The following ATP8B4 variants were observed in gnomAD, a reference collection of about 807,000 sequenced individuals.
The protein encoded by ATP8B4 is probable phospholipid-transporting ATPase IM.
In ATP8B4, 133 loss-of-function variants were observed where a neutral mutation model predicts 145.6. That is an observed-to-expected ratio of 0.91 (90% confidence interval 0.79 to 1.05). The LOEUF (loss-of-function observed/expected upper bound fraction) is 1.05. ATP8B4 is among the 50% of genes least tolerant of loss of function. ATP8B4 has a pLI of 0.00. For missense variants in ATP8B4, 1,458 were observed against 1,425.2 expected (o/e 1.02, Z -0.37); for synonymous variants, 507 against 492.9 (o/e 1.03, Z -0.38).
At chr15:50,029,190 G>A (rs1312751971) in intron 6 of ATP8B4, among the ~76,000 whole-genome samples, 2 of 130,980 alleles carry the variant, frequency 1.5e-5, no homozygotes, top group South Asian at 5.1e-4. Flanking sequence ...CTGAGATCAC[G>A]CCACACGCCA....
chr15:50,130,031 G>C (rs1440452950), intron 1 of ATP8B4, among the ~76,000 whole-genome samples: 1 of 151,692 alleles, frequency 6.6e-6, no homozygotes, highest in Non-Finnish European at 1.5e-5. Flanking sequence ...GCTATAAAGA[G>C]ATCTAGAGGT....
chr15:50,007,094 A>AAGGGAG (rs1555453814), intron 7 of ATP8B4, among the ~76,000 whole-genome samples: 3 of 151,908 alleles, frequency 2.0e-5, no homozygotes, highest in Non-Finnish European at 4.4e-5. Context: ...AATGCAGAAC[A>AAGGGAG]TAAAAAAAAT....
intron 1 of ATP8B4, among the ~76,000 whole-genome samples, chr15:50,146,680 G>A (rs181653507): frequency 2.0e-5 from 3 of 152,238 alleles, no homozygotes; most frequent in East Asian, 3.9e-4. Flanking sequence ...GTCCTTTTCC[G>A]TCCCATGGTC....
intron 5 of ATP8B4, among the ~76,000 whole-genome samples, chr15:50,042,787 C>T (rs1236569769): frequency 2.0e-5 from 3 of 151,882 alleles, no homozygotes; most frequent in East Asian, 3.9e-4. Context: ...CTATTACAGA[C>T]TAAAACAACC....
rs1361517568 is a variant in ATP8B4 at position 50,158,490 on chromosome 15, GC to G, written c.-43+23770del. ...CCCCGTCCGGGAGGGAGGTGGGGGG[GC>G]GCCTCCGCCCGGCCAGCCGCCCAGT... On this transcript the variant is annotated intron_variant, in intron 1 of 3. Transcript: ENST00000558829. Among the ~76,000 whole-genome samples the G allele has an allele frequency of 4.0e-5, 6 of 149,672 alleles. No individual in the cohort carries two copies. In the South Asian group the frequency reaches 1.1e-3, roughly 26 times the overall value.
At chr15:50,136,233 C>A (rs563439756) in intron 1 of ATP8B4, among the ~76,000 whole-genome samples, 1 of 152,300 alleles carries the variant, frequency 6.6e-6, no homozygotes, top group Non-Finnish European at 1.5e-5. Flanking sequence ...ATTCCATATA[C>A]AACACTGTCA....
At chr15:49,959,947 G>A (rs2043916117) in intron 14 of ATP8B4, among the ~76,000 whole-genome samples, 1 of 150,342 alleles carries the variant, frequency 6.7e-6, no homozygotes, top group Admixed American at 6.6e-5. Context: ...AAACAGTTAA[G>A]AGAAATCTAG....
chr15:49,894,002 C>A (rs2037115317), intron 23 of ATP8B4, among the ~76,000 whole-genome samples: 1 of 152,178 alleles, frequency 6.6e-6, no homozygotes, highest in Non-Finnish European at 1.5e-5. Context: ...AAGCTGACCC[C>A]ACAGCATTGA....
chr15:49,900,338 T>A (rs2037881876), intron 21 of ATP8B4, among the ~76,000 whole-genome samples: 1 of 152,222 alleles, frequency 6.6e-6, no homozygotes, highest in Admixed American at 6.5e-5. Context: ...TCTAAGAAAC[T>A]GTCTACAAGA....
intron 1 of ATP8B4, among the ~76,000 whole-genome samples, chr15:50,113,763 C>T (rs1595604288): frequency 7.2e-6 from 1 of 139,782 alleles, no homozygotes; most frequent in Admixed American, 8.1e-5. Flanking sequence ...CACTTGAGCC[C>T]GGGAGGCAGA....
rs973952828 is a variant in ATP8B4, at chr15:49,859,265, ATTTG to A, written c.*925_*928del. 12 of 152,348 alleles carry A rather than the reference ATTTG, an allele frequency of 7.9e-5. No individual in the cohort carries two copies. The highest frequency in any genetic ancestry group is 2.0e-4 in the Admixed American group (3 of 15,302). The allele number at this position is 152,348 out of a possible 1,614,324, so 9.4% of individuals were successfully genotyped here. The stretch of plus-strand genomic sequence containing the variant: ...TAGTAATTAAAACAATTATTTATTA[ATTTG>A]TTTGGCTTCAATTCTGAAGCTTTAA... On this transcript the variant is annotated 3_prime_UTR_variant, in exon 28 of 28. Coordinates refer to ENST00000284509, the MANE Select transcript of ATP8B4 (RefSeq NM_024837.4).
At chr15:50,102,209 C>T (rs1415003069) in intron 2 of ATP8B4, among the ~76,000 whole-genome samples, 2 of 151,666 alleles carry the variant, frequency 1.3e-5, no homozygotes, top group Non-Finnish European at 2.9e-5. Flanking sequence ...CAAACCAAAC[C>T]CAAGCCCAGC....
intron 26 of ATP8B4, among the ~76,000 whole-genome samples, chr15:49,864,994 T>C (rs1252472152): frequency 6.6e-6 from 1 of 152,214 alleles, no homozygotes; most frequent in Non-Finnish European, 1.5e-5. Context: ...CTCAGTGATA[T>C]GTGTCTTTTT....
intron 3 of ATP8B4, among the ~76,000 whole-genome samples, chr15:50,069,388 A>T (rs182234627): frequency 1.8e-4 from 28 of 152,310 alleles, no homozygotes; most frequent in African/African-American, 6.5e-4. Flanking sequence ...TTTGTTGATA[A>T]ATGAAGGTTC....
chr15:50,099,468 CA>C (rs1479980086), intron 2 of ATP8B4, among the ~76,000 whole-genome samples: 1 of 151,954 alleles, frequency 6.6e-6, no homozygotes, highest in African/African-American at 2.4e-5. Flanking sequence ...TTGGTAGAGA[CA>C]GGGGTCTCAC....
chr15:50,160,015 CTTTTTTT>C (rs35773416), intron 1 of ATP8B4, among the ~76,000 whole-genome samples: 5 of 20,080 alleles, frequency 2.5e-4, no homozygotes, highest in South Asian at 3.4e-3. Flanking sequence ...CAGGTCCTGG[CTTTTTTT>C]TTTTTTTTTT....
At chr15:50,138,140 T>G (rs1172795597) in intron 1 of ATP8B4, among the ~76,000 whole-genome samples, 4 of 152,144 alleles carry the variant, frequency 2.6e-5, no homozygotes, top group Admixed American at 2.0e-4. Context: ...GTGCAATCTT[T>G]CCAGAAGGCA....
intron 2 of ATP8B4, among the ~76,000 whole-genome samples, chr15:50,074,518 G>C (rs1388152979): frequency 1.3e-5 from 2 of 152,306 alleles, no homozygotes; most frequent in Admixed American, 1.3e-4. Flanking sequence ...AAAGTCAAAT[G>C]CATCCTGGCA....
chr15:50,034,789 CA>C (rs959972972), intron 6 of ATP8B4, among the ~76,000 whole-genome samples: 69 of 152,278 alleles, frequency 4.5e-4, no homozygotes, highest in African/African-American at 1.6e-3. Flanking sequence ...GTGACCTCTG[CA>C]GGAACTTTCA....
Sources: gnomAD v4.1 joint callset for allele counts (sites outside exome capture counted in the v4.1 genomes callset) on GRCh38, gnomAD v4.1.1 for gene constraint, MANE v1.5 for transcripts, NCBI Gene and HGNC (gene_info 2026-07-23, HGNC 2026-07-21) for gene names.